Variants in SUGCT observed in about 807,000 individuals in gnomAD.
SUGCT encodes the protein succinyl-CoA:glutarate CoA-transferase.
SUGCT carries 41 observed loss-of-function variants against 55.0 expected under a neutral mutation model. That is an observed-to-expected ratio of 0.74 (90% CI 0.58 to 0.97). The LOEUF (loss-of-function observed/expected upper bound fraction) is 0.97. SUGCT is among the 50% of genes least tolerant of loss of function. The probability of loss-of-function intolerance (pLI) is 0.00; values close to 1 mark genes in which losing one functional copy is unlikely to be tolerated. For synonymous variants in SUGCT, 187 were observed against 200.4 expected (o/e 0.93, Z 0.56); for missense variants, 568 against 547.8 (o/e 1.04, Z -0.37).
the SUGCT span, among the ~76,000 whole-genome samples, chr7:40,988,991 A>AT: frequency 9.4e-5 from 14 of 148,618 alleles, no homozygotes; most frequent in African/African-American, 2.2e-4. Context: ...AGTCACATGC[A>AT]TTTTTTTTTT....
At chr7:40,174,397 C>T (rs559296836) in intron 1 of SUGCT, among the ~76,000 whole-genome samples, 6 of 152,188 alleles carry the variant, frequency 3.9e-5, no homozygotes, top group African/African-American at 1.4e-4. Context: ...GTAGGTAGGG[C>T]CACAAGCATG....
At chr7:40,374,965 CTA>C (rs1356520172) in intron 9 of SUGCT, among the ~76,000 whole-genome samples, 2 of 152,088 alleles carry the variant, frequency 1.3e-5, no homozygotes, top group African/African-American at 4.8e-5. Flanking sequence ...TCCACAAACT[CTA>C]TGTTAGTTGG....
intron 7 of SUGCT, among the ~76,000 whole-genome samples, chr7:40,249,315 A>ATCTATATCTATATATATATATCTATATC (rs1314961773): frequency 8.4e-4 from 28 of 33,516 alleles, no homozygotes; most frequent in Non-Finnish European, 5.7e-4. Flanking sequence ...CCAAAAAGCT[A>ATCTATATCTATATATATATATCTATATC]TATATATATA....
At chr7:40,479,561 C>G (rs998338447) in intron 11 of SUGCT, among the ~76,000 whole-genome samples, 1 of 152,122 alleles carries the variant, frequency 6.6e-6, no homozygotes, top group East Asian at 1.9e-4. Context: ...AGTGAGATGG[C>G]TGAATTACAA....
intron 9 of SUGCT, among the ~76,000 whole-genome samples, chr7:40,389,086 A>G (rs1158813258): frequency 6.6e-6 from 1 of 152,186 alleles, no homozygotes; most frequent in Admixed American, 6.5e-5. Flanking sequence ...GTAAGCACTA[A>G]AAAGACTAAC....
At chr7:40,535,680 C>T (rs1233987862) in intron 12 of SUGCT, among the ~76,000 whole-genome samples, 1 of 152,144 alleles carries the variant, frequency 6.6e-6, no homozygotes, top group Non-Finnish European at 1.5e-5. Context: ...ACTATGCAGC[C>T]ATAAGAAAGA....
intron 12 of SUGCT, among the ~76,000 whole-genome samples, chr7:40,678,918 A>G (rs1354503336): frequency 6.6e-6 from 1 of 152,140 alleles, no homozygotes; most frequent in African/African-American, 2.4e-5. Context: ...ACCCGTGGCA[A>G]ATAAATAAAT....
At chr7:40,219,120 C>T (rs909327961) in intron 6 of SUGCT, among the ~76,000 whole-genome samples, 7 of 152,070 alleles carry the variant, frequency 4.6e-5, no homozygotes, top group African/African-American at 1.4e-4. Flanking sequence ...CAACTCTGGA[C>T]GCGCCACCTT....
chr7:40,887,628 C>T, the SUGCT span, among the ~76,000 whole-genome samples: 2 of 152,248 alleles, frequency 1.3e-5, no homozygotes, highest in Non-Finnish European at 2.9e-5. Flanking sequence ...CACAAGAGTT[C>T]TGATTTTGAG....
At chr7:40,652,929 C>G (rs1584213129) in intron 12 of SUGCT, among the ~76,000 whole-genome samples, 1 of 152,190 alleles carries the variant, frequency 6.6e-6, no homozygotes, top group African/African-American at 2.4e-5. Context: ...AGATCTGCCT[C>G]TTTCCTCACA....
intron 13 of SUGCT, among the ~76,000 whole-genome samples, chr7:40,811,521 G>A (rs68023334): frequency 0.31 from 47,670 of 151,786 alleles, 7,902 homozygotes; most frequent in East Asian, 0.44. Flanking sequence ...TTGTTTGTGT[G>A]TGGTGGTTTT....
chr7:40,463,160 C>G (rs1789901547), intron 11 of SUGCT, among the ~76,000 whole-genome samples: 1 of 152,164 alleles, frequency 6.6e-6, no homozygotes, highest in South Asian at 2.1e-4. Context: ...CTTATAGACA[C>G]TTTCCTTGCC....
At chr7:40,588,362 C>T (rs1797518356) in intron 12 of SUGCT, among the ~76,000 whole-genome samples, 1 of 151,956 alleles carries the variant, frequency 6.6e-6, no homozygotes, top group African/African-American at 2.4e-5. Context: ...TTATATCACT[C>T]TGTGTTCACT....
At chr7:40,920,087 C>G in the SUGCT span, among the ~76,000 whole-genome samples, 1 of 152,128 alleles carries the variant, frequency 6.6e-6, no homozygotes, top group African/African-American at 2.4e-5. Context: ...TCTTCCACCT[C>G]CTCTACTTGG....
intron 3 of SUGCT, among the ~76,000 whole-genome samples, chr7:40,183,049 G>A (rs1167415667): frequency 6.6e-6 from 1 of 152,222 alleles, no homozygotes; most frequent in Non-Finnish European, 1.5e-5. Flanking sequence ...AAGGCAGGCG[G>A]ATCACCTGAA....
chr7:40,752,135 T>G (rs1189314656), intron 13 of SUGCT, among the ~76,000 whole-genome samples: 2 of 152,164 alleles, frequency 1.3e-5, no homozygotes, highest in African/African-American at 4.8e-5. Context: ...TCATATAGTT[T>G]GGGCTCAGCT....
intron 12 of SUGCT, among the ~76,000 whole-genome samples, chr7:40,661,986 C>T (rs1257122283): frequency 6.6e-6 from 1 of 152,182 alleles, no homozygotes; most frequent in Non-Finnish European, 1.5e-5. Flanking sequence ...AATCTAACTG[C>T]CAAACTGGTA....
intron 8 of SUGCT, among the ~76,000 whole-genome samples, chr7:40,309,416 T>A (rs1467849339): frequency 6.6e-6 from 1 of 152,130 alleles, no homozygotes; most frequent in Non-Finnish European, 1.5e-5. Context: ...TGCCTCAGCC[T>A]TCCGTGTAGC....
At chr7:40,465,426 A>G (rs925219670) in intron 11 of SUGCT, among the ~76,000 whole-genome samples, 2 of 152,096 alleles carry the variant, frequency 1.3e-5, no homozygotes, top group Admixed American at 6.5e-5. Flanking sequence ...CCTGGCCAAC[A>G]TGGTGAAACC....
Sources: gnomAD v4.1 joint callset for allele counts (sites outside exome capture counted in the v4.1 genomes callset) on GRCh38, gnomAD v4.1.1 for gene constraint, MANE v1.5 for transcripts, NCBI Gene and HGNC (gene_info 2026-07-23, HGNC 2026-07-21) for gene names.